Variants in SETD2 observed in about 807,000 individuals in gnomAD.
SETD2 encodes SET domain containing 2, histone lysine methyltransferase, also known as histone-lysine N-methyltransferase SETD2.
In SETD2, 31 loss-of-function variants were observed where a neutral mutation model predicts 242.1. The observed-to-expected ratio is 0.13, with a 90% confidence interval of 0.10 to 0.17. SETD2 has a LOEUF of 0.17. SETD2 is among the 10% of genes least tolerant of loss of function. SETD2 has a pLI of 1.00. For synonymous variants in SETD2, 1,006 were observed against 1,066.5 expected (o/e 0.94, Z 1.11); for missense variants, 2,481 against 3,046.3 (o/e 0.81, Z 4.37).
In SETD2 at chr3:47,113,942, G is replaced by A. The variant is rs2107719454; in HGVS notation, c.4649C>T (p.Ala1550Val). 6 of 1,612,980 alleles carry A rather than the reference G, an allele frequency of 3.7e-6. No individual in the cohort carries two copies. Among genetic ancestry groups the A allele is most frequent in the Non-Finnish European group, 5.1e-6 (6 of 1,179,260 alleles). The change falls in exon 5 of 21, where the codon GCA becomes GTA. Residue 1550 changes from alanine (A) to valine (V), a missense_variant. Transcript: ENST00000409792. ...SNRRFQRKQH[A>V]DVEVILTEKK... The stretch of plus-strand genomic sequence containing the variant: ...TTCTGTGAGTATGACTTCCACATCT[G>A]CATGCTGTTTTCTCTGAAACCGTCT...
At chr3:47,055,879 G>A (rs1411311323) in intron 15 of SETD2, among the ~76,000 whole-genome samples, 1 of 150,844 alleles carries the variant, frequency 6.6e-6, no homozygotes, top group Non-Finnish European at 1.5e-5. Flanking sequence ...CAGGCGTGGT[G>A]GTGGGCGCCT....
At chr3:47,137,422 A>G (rs1187617522) in intron 1 of SETD2, among the ~76,000 whole-genome samples, 1 of 151,776 alleles carries the variant, frequency 6.6e-6, no homozygotes, top group African/African-American at 2.4e-5. Flanking sequence ...CGATCTCTTG[A>G]CCTTGTGATC....
intron 9 of SETD2, 56 bp downstream of exon 9, chr3:47,097,899 C>T (rs2042068180): frequency 3.8e-6 from 6 of 1,585,102 alleles, no homozygotes; most frequent in African/African-American, 2.7e-5. Context: ...ATCAGAAAAG[C>T]CACCTCGCTT....
intron 15 of SETD2, among the ~76,000 whole-genome samples, chr3:47,050,146 A>G (rs2107559461): frequency 6.6e-6 from 1 of 151,734 alleles, no homozygotes; most frequent in South Asian, 2.1e-4. Context: ...AGAATAATTG[A>G]ATGTTTCTAG....
At chr3:47,128,079 T>C (rs895922835) in intron 1 of SETD2, among the ~76,000 whole-genome samples, 1 of 152,152 alleles carries the variant, frequency 6.6e-6, no homozygotes. Context: ...GAATATAAGG[T>C]GTAAGGCAGA....
rs369091430 is a variant in SETD2, at chr3:47,089,342, G to A, written c.5143-1095C>T. 3.9e-5 allele frequency among the ~76,000 whole-genome samples: 6 copies of A among 152,192 alleles called. No homozygotes were observed. In the East Asian group the frequency reaches 1.2e-3, roughly 29 times the overall value. On this transcript the variant is annotated intron_variant, in intron 9 of 20. Transcript: ENST00000409792. The stretch of plus-strand genomic sequence containing the variant: ...TGTGTCTATAGTCTCAGCTATTCAG[G>A]AGGCTGAGGCAGAAGGATCACCTGA...
intron 8 of SETD2, 32 bp from the exon 9 acceptor site, chr3:47,098,113 A>G (rs1264814064): frequency 6.2e-6 from 10 of 1,612,124 alleles, no homozygotes; most frequent in Admixed American, 5.0e-5. Flanking sequence ...GAAGTCAGCT[A>G]TGTGGAAGTA....
At position 47,123,178 on chromosome 3, in the gene SETD2, T is replaced by A. The variant is rs2106697232; in HGVS notation, c.1458A>T (p.Ser486=). The change falls in exon 3 of 21, where the codon TCA becomes TCT. Residue 486 remains serine, a synonymous_variant. Transcript: ENST00000409792. ...AGTCCCGATCAGATTTAGAATAGGA[T>A]GATGTCCTTAGGTCTCTGTAAGAAG... ...HSSSYRDLRT[S]SYSKSDRDCK... 1 of 1,604,578 alleles carries A rather than the reference T, an allele frequency of 6.2e-7. No individual in the cohort carries two copies. Among genetic ancestry groups the A allele is most frequent in the Non-Finnish European group, 8.5e-7 (1 of 1,174,334 alleles).
intron 4 of SETD2, among the ~76,000 whole-genome samples, chr3:47,114,876 CAAA>C (rs764948151): frequency 0.021 from 1,166 of 55,014 alleles, 15 homozygotes; most frequent in African/African-American, 0.056. Context: ...GAGACTGTCT[CAAA>C]AAAAAAAAAA....
intron 1 of SETD2, among the ~76,000 whole-genome samples, chr3:47,157,242 A>G (rs2044146354): frequency 3.3e-5 from 5 of 152,100 alleles, no homozygotes; most frequent in Admixed American, 3.3e-4. Flanking sequence ...CAGCCTGGGC[A>G]AGAGCGAAAC....
Position 47,123,031 on chromosome 3 carries a change from A to G in SETD2, c.1605T>C (p.Asn535=), listed in dbSNP as rs777512115. 2.5e-6 allele frequency: 4 copies of G among 1,614,022 alleles called. No homozygotes were observed. Among genetic ancestry groups the G allele is most frequent in the African/African-American group, 1.3e-5 (1 of 74,934 alleles). The stretch of plus-strand genomic sequence containing the variant: ...ATGACCCTCGTCGGAATCCCAGTTC[A>G]TTAGGGGGAGAACAACATCTTTTAA... ...EAIKRCCSPP[N]ELGFRRGSSY... is the part of the protein sequence containing the mutation. Residue 535 remains asparagine (N), a synonymous_variant, in exon 3 of 21, where the codon AAT becomes AAC. Transcript: ENST00000409792.
At position 47,121,013 on chromosome 3, in the gene SETD2, T is replaced by A. The variant is rs766811216; in HGVS notation, c.3623A>T (p.Asp1208Val). Residue 1208 changes from aspartate (D) to valine (V), a missense_variant, in exon 3 of 21, where the codon GAT becomes GTT. Transcript: ENST00000409792. Reference protein sequence around the residue: ...QQEELPIYSSDFEDVPNKSWQ... With the variant: ...QQEELPIYSSVFEDVPNKSWQ... Reference sequence around the variant, plus strand: ...AGACTTATTTGGGACATCTTCAAAATCAGAAGAATAAATTGGCAGCTCTTC... The same window carrying A: ...AGACTTATTTGGGACATCTTCAAAAACAGAAGAATAAATTGGCAGCTCTTC... The A allele has an allele frequency of 1.2e-6, 2 of 1,614,208 alleles. No individual in the cohort carries two copies. The highest frequency in any genetic ancestry group is 2.2e-5 in the South Asian group (2 of 91,086).
At chr3:47,048,462 C>A (rs914106419) in intron 15 of SETD2, among the ~76,000 whole-genome samples, 1 of 152,062 alleles carries the variant, frequency 6.6e-6, no homozygotes, top group African/African-American at 2.4e-5. Context: ...CTGGAAGTTG[C>A]TTTGAGTAAG....
At chr3:47,150,086 G>A (rs1007432529) in intron 1 of SETD2, among the ~76,000 whole-genome samples, 3 of 145,170 alleles carry the variant, frequency 2.1e-5, no homozygotes, top group Non-Finnish European at 4.5e-5. Flanking sequence ...CTGGAGTGCA[G>A]TGGCGCAATC....
chr3:47,098,414 G>GGTGGCTCACGCCTGT, intron 8 of SETD2: 1 of 181,646 alleles, frequency 5.5e-6, no homozygotes, highest in South Asian at 1.3e-4. Context: ...ATAGTTCAGA[G>GGTGGCTCACGCCTGT]AACTATTACT....
At chr3:47,061,356 C>T (rs1020689865) in intron 14 of SETD2, among the ~76,000 whole-genome samples, 11 of 152,094 alleles carry the variant, frequency 7.2e-5, no homozygotes, top group Non-Finnish European at 1.0e-4. Context: ...TAAATCCACC[C>T]GTTTATAAAC....
chr3:47,042,460 G>C, intron 17 of SETD2, 101 bp downstream of exon 17: 1 of 1,138,838 alleles, frequency 8.8e-7, no homozygotes, highest in South Asian at 1.3e-5. Flanking sequence ...ACAGTGAAAA[G>C]CTAATGACAA....
At chr3:47,059,601 G>C (rs2040248287) in intron 14 of SETD2, among the ~76,000 whole-genome samples, 2 of 150,702 alleles carry the variant, frequency 1.3e-5, no homozygotes, top group South Asian at 4.2e-4. Flanking sequence ...TGTATTTTTA[G>C]TAGAGATGGG....
intron 18 of SETD2, among the ~76,000 whole-genome samples, chr3:47,021,510 A>C (rs2038218717): frequency 6.6e-6 from 1 of 152,108 alleles, no homozygotes; most frequent in Admixed American, 6.5e-5. Flanking sequence ...TAAAAACACA[A>C]TTATAGAATA....
Sources: gnomAD v4.1 joint callset for allele counts (sites outside exome capture counted in the v4.1 genomes callset) on GRCh38, gnomAD v4.1.1 for gene constraint, MANE v1.5 for transcripts, NCBI Gene and HGNC (gene_info 2026-07-23, HGNC 2026-07-21) for gene names.